The following ANKRD18A variants were observed in gnomAD, a reference collection of about 807,000 sequenced individuals.
ANKRD18A encodes the protein ankyrin repeat domain 18A, also known as ankyrin repeat domain-containing protein 18A.
Under a neutral mutation model 110.6 loss-of-function variants are expected in ANKRD18A, and 72 were observed. The observed-to-expected ratio is 0.65, with a 90% CI of 0.54 to 0.79. The LOEUF is 0.79. ANKRD18A is among the 30% of genes least tolerant of loss of function. The pLI is 0.00. For synonymous variants in ANKRD18A, 305 were observed against 410.3 expected (o/e 0.74, Z 3.10); for missense variants, 934 against 1,163.3 (o/e 0.80, Z 2.87).
At position 38,593,915 on chromosome 9, in the gene ANKRD18A, A is replaced by G; in HGVS notation, c.1855-6T>C. 3.4e-6 allele frequency: 5 copies of G among 1,465,788 alleles called. No homozygotes were observed. The highest frequency in any genetic ancestry group is 4.5e-6 in the Non-Finnish European group (5 of 1,110,284). 90.8% of individuals were successfully genotyped at this position (1,465,788 alleles called of 1,614,324 possible). Reference sequence around the variant, plus strand: ...TGAAATTCTCTCACAATCACCTGACAAAATATTTTTGTTACCAATTTTATA... The same window carrying G: ...TGAAATTCTCTCACAATCACCTGACGAAATATTTTTGTTACCAATTTTATA... On this transcript the variant is annotated splice_region_variant and splice_polypyrimidine_tract_variant and intron_variant, in intron 9 of 15. Coordinates refer to ENST00000399703, the MANE Select transcript of ANKRD18A (RefSeq NM_147195.4).
chr9:38,572,035 G>T lies in ANKRD18A; in HGVS notation c.*10C>A. The T allele has an allele frequency of 6.3e-7, 1 of 1,590,778 alleles. No homozygotes were observed. The highest frequency in any genetic ancestry group is 8.5e-7 in the Non-Finnish European group (1 of 1,172,720). ...GGATTCTACAAAAGAAAGTAGACGG[G>T]AGCAAGTGCTCAACATAGCAAAACC... On this transcript the variant is annotated 3_prime_UTR_variant, in exon 16 of 16. Coordinates refer to ENST00000399703, the MANE Select transcript of ANKRD18A (RefSeq NM_147195.4).
chr9:38,581,336 A>T (rs1404400684), intron 12 of ANKRD18A, among the ~76,000 whole-genome samples: 1 of 152,188 alleles, frequency 6.6e-6, no homozygotes, highest in East Asian at 1.9e-4. Context: ...ACCCCCTTCA[A>T]TTATGAACTC....
chr9:38,577,302 ATAAGT>A (rs1380401456), intron 13 of ANKRD18A, 38 bp from the exon 14 acceptor site: 1 of 1,499,694 alleles, frequency 6.7e-7, no homozygotes, highest in African/African-American at 1.4e-5. Flanking sequence ...TAAAACAATT[ATAAGT>A]TAATTACCAT....
intron 12 of ANKRD18A, 25 bp from the exon 13 acceptor site, chr9:38,578,173 T>C: frequency 6.6e-7 from 1 of 1,524,756 alleles, no homozygotes; most frequent in Non-Finnish European, 8.8e-7. Context: ...TAATAGAGCT[T>C]GATAATGAAG....
intron 9 of ANKRD18A, among the ~76,000 whole-genome samples, chr9:38,595,193 T>C (rs1418233383): frequency 6.6e-6 from 1 of 152,188 alleles, no homozygotes; most frequent in Non-Finnish European, 1.5e-5. Flanking sequence ...GTAAATTTAC[T>C]GTGTCGTGCA....
In ANKRD18A at chr9:38,590,907, C is replaced by G. The variant is rs147664871; in HGVS notation, c.2005-2244G>C. On this transcript the variant is annotated intron_variant, in intron 10 of 15. Coordinates refer to ENST00000399703, the MANE Select transcript of ANKRD18A (RefSeq NM_147195.4). ...TATGTTTTACTCCCAAGGCAGACATCAAAGCGGCTAATAATTCTATGCCTG... is the reference window on the plus strand; with the variant it reads ...TATGTTTTACTCCCAAGGCAGACATGAAAGCGGCTAATAATTCTATGCCTG... Among the ~76,000 whole-genome samples the G allele has an allele frequency of 7.3e-3, 1,110 of 152,264 alleles. 13 individuals carry two copies. Among genetic ancestry groups the G allele is most frequent in the African/African-American group, 0.024 (1,014 of 41,544 alleles).
At chr9:38,581,589 T>C (rs1369357859) in intron 12 of ANKRD18A, among the ~76,000 whole-genome samples, 1 of 152,180 alleles carries the variant, frequency 6.6e-6, no homozygotes, top group Admixed American at 6.5e-5. Context: ...GAGAAAATTA[T>C]GGAATGACTT....
downstream of ANKRD18A, among the ~76,000 whole-genome samples, chr9:38,570,848 C>T (rs1197223162): frequency 1.3e-5 from 2 of 152,222 alleles, no homozygotes; most frequent in Non-Finnish European, 2.9e-5. Context: ...GCCCTCTGGG[C>T]CCATCTCAAA....
rs974446253 is a variant in ANKRD18A, at chr9:38,607,402, G to A, written c.808+24C>T. On this transcript the variant is annotated intron_variant, in intron 6 of 15. Transcript: ENST00000399703. Reference sequence around the variant, plus strand: ...TCAGTAAGATCACCAAGGGAAATGAGAAATTTACTATCAGAAGTCTTACCT... The same window carrying A: ...TCAGTAAGATCACCAAGGGAAATGAAAAATTTACTATCAGAAGTCTTACCT... 12 of 1,456,640 alleles carry A rather than the reference G, an allele frequency of 8.2e-6. No homozygotes were observed. In the African/African-American group the frequency reaches 1.6e-4, roughly 20 times the overall value. 90.2% of individuals were successfully genotyped at this position (1,456,640 alleles called of 1,614,324 possible). A position where few individuals can be genotyped will look rare whatever the true frequency, so the allele number is the denominator to read the frequency against.
rs1047985062 is a variant in ANKRD18A at position 38,593,869 on chromosome 9, A to T, written c.1895T>A (p.Leu632His). Reference protein sequence around the residue: ...REFQEELVDHLKTFSISESPL... With the variant: ...REFQEELVDHHKTFSISESPL... ...AGACTCTGATATTGAAAATGTTTTA[A>T]GGTGATCGACCAGTTCTTCTTGAAA... Residue 632 changes from leucine to histidine, a missense_variant, in exon 10 of 16, where the codon CTT becomes CAT. This residue lies in a region of ANKRD18A where 630 missense variants were observed against 797.5 expected (regional missense o/e 0.79). Coordinates refer to ENST00000399703, the MANE Select transcript of ANKRD18A (RefSeq NM_147195.4). 2.6e-6 allele frequency: 4 copies of T among 1,529,678 alleles called. No individual in the cohort carries two copies. Among genetic ancestry groups the T allele is most frequent in the African/African-American group, 2.8e-5 (2 of 72,374 alleles). The allele number at this position is 1,529,678 out of a possible 1,614,324, so 94.8% of individuals were successfully genotyped here.
chr9:38,595,281 G>C lies in ANKRD18A; in HGVS notation c.1854+205C>G, dbSNP rs933246200. Among the ~76,000 whole-genome samples, 4 of 151,936 alleles carry C rather than the reference G, an allele frequency of 2.6e-5. No individual in the cohort carries two copies. In the South Asian group the frequency reaches 8.3e-4, roughly 31 times the overall value. On this transcript the variant is annotated intron_variant, in intron 9 of 15. Coordinates refer to ENST00000399703, the MANE Select transcript of ANKRD18A (RefSeq NM_147195.4). ...TAATGCCCATTAGCAGTCACGACCCGCTTCCAGCCCCAGGCCTACACAAAC... is the reference window on the plus strand; with the variant it reads ...TAATGCCCATTAGCAGTCACGACCCCCTTCCAGCCCCAGGCCTACACAAAC...
intron 4 of ANKRD18A, 77 bp from the exon 5 acceptor site, chr9:38,610,487 A>G (rs1271111135): frequency 2.4e-5 from 36 of 1,479,170 alleles, no homozygotes; most frequent in Non-Finnish European, 3.1e-5. Context: ...ACACTTTACC[A>G]ATTTCATATC....
chr9:38,610,567 C>T (rs1163393702), intron 4 of ANKRD18A, among the ~76,000 whole-genome samples, 157 bp from the exon 5 acceptor site: 2 of 152,136 alleles, frequency 1.3e-5, no homozygotes, highest in Non-Finnish European at 2.9e-5. Context: ...CTTGGGTGCT[C>T]AAGTGTTCAT....
chr9:38,589,055 T>G (rs1283341829), intron 10 of ANKRD18A, among the ~76,000 whole-genome samples: 1 of 152,220 alleles, frequency 6.6e-6, no homozygotes, highest in Non-Finnish European at 1.5e-5. Context: ...CTAAGATGAT[T>G]TTTAGAAAAC....
chr9:38,576,127 ACAT>A lies in ANKRD18A; in HGVS notation c.2742-432_2742-430del, dbSNP rs1180996687. 2.0e-5 allele frequency among the ~76,000 whole-genome samples: 3 copies of A among 152,356 alleles called. No individual in the cohort carries two copies. The East Asian group carries it at 5.8e-4, about 29-fold the overall frequency. ...CTTCACTATAAATAATTATATGAAA[ACAT>A]CATGTTGTACTCCTTAAATAATGTA... On this transcript the variant is annotated intron_variant, in intron 14 of 15. Transcript: ENST00000399703.
At chr9:38,588,913 G>A (rs1399911469) in intron 10 of ANKRD18A, among the ~76,000 whole-genome samples, 3 of 152,154 alleles carry the variant, frequency 2.0e-5, no homozygotes, top group Non-Finnish European at 4.4e-5. Flanking sequence ...AAAAATGAGA[G>A]TTTTTACACA....
At chr9:38,579,001 G>A (rs1385752508) in intron 12 of ANKRD18A, among the ~76,000 whole-genome samples, 2 of 152,160 alleles carry the variant, frequency 1.3e-5, no homozygotes, top group South Asian at 2.1e-4. Flanking sequence ...GATTCTTGGG[G>A]TAAAGGCCAT....
chr9:38,604,364 CAT>C (rs888696146), intron 6 of ANKRD18A: 3 of 151,016 alleles, frequency 2.0e-5, no homozygotes, highest in African/African-American at 7.3e-5. Flanking sequence ...TTAAAAGACA[CAT>C]GTGAAGAAAA....
At chr9:38,598,182 T>A (rs553949783) in intron 8 of ANKRD18A, among the ~76,000 whole-genome samples, 13 of 152,332 alleles carry the variant, frequency 8.5e-5, no homozygotes, top group African/African-American at 3.1e-4. Context: ...ATAAATGTAA[T>A]TCATCTTTAA....
Sources: allele counts gnomAD v4.1 joint callset (sites outside exome capture counted in the v4.1 genomes callset), GRCh38; gene constraint gnomAD v4.1.1; regional missense constraint gnomAD v4.1.1; transcripts MANE v1.5; gene names NCBI Gene and HGNC (gene_info 2026-07-23, HGNC 2026-07-21).